The following CACNA1C variants were observed in gnomAD, a reference collection of about 807,000 sequenced individuals.
CACNA1C encodes voltage-dependent L-type calcium channel subunit alpha-1C.
A neutral mutation model predicts 229.0 loss-of-function variants in CACNA1C; 30 were observed. The observed-to-expected ratio is 0.13, with a 90% confidence interval of 0.10 to 0.18. The LOEUF (loss-of-function observed/expected upper bound fraction) is 0.18. Among genes scored for constraint, CACNA1C ranks in the 10% least tolerant of loss-of-function variants. The probability of loss-of-function intolerance (pLI) is 1.00; values close to 1 mark genes in which losing one functional copy is unlikely to be tolerated. For synonymous variants in CACNA1C, 1,114 were observed against 1,132.5 expected, an observed-to-expected ratio of 0.98 and a Z score of 0.33; for missense variants, 1,658 against 2,845.0, an observed-to-expected ratio of 0.58 and a Z score of 9.49.
chr12:2,673,898 A>G (rs2096669504), intron 38 of CACNA1C, among the ~76,000 whole-genome samples: 1 of 152,202 alleles, frequency 6.6e-6, no homozygotes, highest in Admixed American at 6.5e-5. Context: ...GGGCTTTGGC[A>G]GCATGTGTAC....
chr12:2,486,269 G>A lies in CACNA1C; in HGVS notation c.916+7G>A. On this transcript the variant is annotated splice_region_variant and intron_variant, in intron 6 of 46. Coordinates refer to ENST00000399655, the MANE Select transcript of CACNA1C (RefSeq NM_000719.7). This position sits in a 1 kb window ranked among gnomAD's most constrained non-coding sequence, Gnocchi z 4.9. ...AACCAGGAGGGCATAGCAGGTAAGA[G>A]GGGCAGGCGGCTGCGCTCCCAAGGC... 1 of 1,611,260 alleles carries A rather than the reference G, an allele frequency of 6.2e-7. No homozygotes were observed. The highest frequency in any genetic ancestry group is 8.5e-7 in the Non-Finnish European group (1 of 1,178,140).
chr12:2,180,696 A>G lies in CACNA1C; in HGVS notation c.477+60266A>G, dbSNP rs527910195. On this transcript the variant is annotated intron_variant, in intron 3 of 46. Transcript: ENST00000399655. ...AGGGGCTGGTTTTGGAGCCAGGCAG[A>G]TTGGGTTCTAATCACAGCGTGTCCC... 3.3e-5 allele frequency among the ~76,000 whole-genome samples: 5 copies of G among 152,292 alleles called. No homozygotes were observed. In the South Asian group the frequency reaches 1.0e-3, roughly 32 times the overall value.
Position 2,691,305 on chromosome 12 carries a change from C to A in CACNA1C, c.*106C>A. On this transcript the variant is annotated 3_prime_UTR_variant, in exon 47 of 47. Coordinates refer to ENST00000399655, the MANE Select transcript of CACNA1C (RefSeq NM_000719.7). ...CGTGACCTGGAGTTAACCGGAACAG[C>A]GTCTTCATTCATTTCTGTTGGGACC... 8.6e-7 allele frequency: 1 copy of A among 1,168,512 alleles called. No homozygotes were observed. Among genetic ancestry groups the A allele is most frequent in the Non-Finnish European group, 1.1e-6 (1 of 873,062 alleles). The allele number at this position is 1,168,512 out of a possible 1,614,324, so 72.4% of individuals were successfully genotyped here.
chr12:2,391,388 G>A (rs1449207242), intron 3 of CACNA1C, among the ~76,000 whole-genome samples: 1 of 152,188 alleles, frequency 6.6e-6, no homozygotes, highest in Non-Finnish European at 1.5e-5. Context: ...GGAGCGAGAG[G>A]ACTTGGGAAC....
At chr12:2,529,271 A>AC (rs1383040454) in intron 9 of CACNA1C, among the ~76,000 whole-genome samples, 1 of 152,022 alleles carries the variant, frequency 6.6e-6, no homozygotes, top group Admixed American at 6.6e-5. Context: ...GCAGGGTCTT[A>AC]CCCGCTCCTT....
intron 29 of CACNA1C, among the ~76,000 whole-genome samples, chr12:2,619,152 C>G (rs1483649777): frequency 6.6e-6 from 1 of 152,212 alleles, no homozygotes; most frequent in Non-Finnish European, 1.5e-5. Context: ...CTTGAACCAG[C>G]CAGGGCTGAG....
chr12:2,426,051 T>G (rs1440094638), intron 3 of CACNA1C, among the ~76,000 whole-genome samples: 1 of 152,158 alleles, frequency 6.6e-6, no homozygotes, highest in Non-Finnish European at 1.5e-5. Context: ...CCAGTCCTCA[T>G]GGAAGAGAAT....
chr12:2,176,482 A>C (rs554706462), intron 3 of CACNA1C, among the ~76,000 whole-genome samples: 32 of 151,806 alleles, frequency 2.1e-4, no homozygotes, highest in African/African-American at 7.5e-4. Flanking sequence ...GAAGTCAAGT[A>C]AGGGTAGAAC....
Position 2,438,213 on chromosome 12 carries a change from TGGTGGTGGTGGTTGTG to T in CACNA1C, c.478-10762_478-10747del, listed in dbSNP as rs1567680962. 3.5e-3 allele frequency among the ~76,000 whole-genome samples: 507 copies of T among 145,846 alleles called. 4 individuals carry two copies. Among genetic ancestry groups the T allele is most frequent in the African/African-American group, 0.013 (488 of 38,690 alleles). On this transcript the variant is annotated intron_variant, in intron 3 of 46. Coordinates refer to ENST00000399655, the MANE Select transcript of CACNA1C (RefSeq NM_000719.7). ...ATAATGACGGCGATGGTGATGGTGG[TGGTGGTGGTGGTTGTG>T]ATGGTGGGGATGGTGATGATAATGA...
intron 1 of CACNA1C, among the ~76,000 whole-genome samples, chr12:2,076,956 G>A (rs1043415856): frequency 1.8e-4 from 27 of 152,244 alleles, no homozygotes; most frequent in African/African-American, 6.0e-4. Flanking sequence ...GAGGGCTGAA[G>A]CACTGGCTGG....
chr12:2,047,160 C>T (rs2051228024), intron 1 of CACNA1C, among the ~76,000 whole-genome samples: 1 of 152,188 alleles, frequency 6.6e-6, no homozygotes, highest in Admixed American at 6.5e-5. Context: ...GCTGACAAAG[C>T]AATCTTCCGC....
At chr12:2,229,100 G>A (rs1359718885) in intron 3 of CACNA1C, among the ~76,000 whole-genome samples, 2 of 152,150 alleles carry the variant, frequency 1.3e-5, no homozygotes, top group African/African-American at 4.8e-5. Context: ...GTTGATTGGT[G>A]GAAAGAGCAC....
At chr12:2,018,268 A>T (rs189782925) in intron 1 of CACNA1C, 4 of 152,366 alleles carry the variant, frequency 2.6e-5, no homozygotes, top group Admixed American at 2.6e-4. Context: ...ATGTATGATA[A>T]GCAACCTTGA....
intron 3 of CACNA1C, among the ~76,000 whole-genome samples, chr12:2,137,017 C>A (rs887547023): frequency 6.6e-6 from 1 of 151,466 alleles, no homozygotes; most frequent in South Asian, 2.1e-4. Flanking sequence ...CCAGTCAGTA[C>A]TGGTGGTTGG....
chr12:2,634,960 T>G (rs948331466), intron 30 of CACNA1C, among the ~76,000 whole-genome samples: 6 of 152,172 alleles, frequency 3.9e-5, no homozygotes, highest in Admixed American at 1.3e-4. Context: ...TCATTTAACA[T>G]CAGCAGCCCA....
rs1229385514 is a variant in CACNA1C at position 2,034,277 on chromosome 12, C to T, written c.139+63076C>T. 6.6e-6 allele frequency among the ~76,000 whole-genome samples: 1 copy of T among 152,164 alleles called. No individual in the cohort carries two copies. The highest frequency in any genetic ancestry group is 1.9e-4 in the East Asian group (1 of 5,192). On this transcript the variant is annotated intron_variant, in intron 1 of 46. Coordinates refer to the CACNA1C transcript ENST00000682462. The surrounding 1 kb of genome is among the most constrained non-coding windows in gnomAD (Gnocchi z 4.1). Reference sequence around the variant, plus strand: ...ATCCAAGTCCTTTTAGATCCAAGGCCGTGTTCCTTTTTGTAAGCCTCCCTG... The same window carrying T: ...ATCCAAGTCCTTTTAGATCCAAGGCTGTGTTCCTTTTTGTAAGCCTCCCTG...
intron 13 of CACNA1C, among the ~76,000 whole-genome samples, chr12:2,578,383 C>G (rs577793033): frequency 2.0e-5 from 3 of 152,236 alleles, no homozygotes; most frequent in African/African-American, 7.2e-5. Flanking sequence ...CCCTGAGGCT[C>G]TGGGCCCAGA....
At chr12:2,406,190 C>A (rs981993145) in intron 3 of CACNA1C, among the ~76,000 whole-genome samples, 1 of 152,132 alleles carries the variant, frequency 6.6e-6, no homozygotes, top group Non-Finnish European at 1.5e-5. Flanking sequence ...AAGATATTTT[C>A]TTTGACTTTG....
rs570547274 is a variant in CACNA1C at position 2,691,283 on chromosome 12, G to T, written c.*84G>T. 11 of 1,306,716 alleles carry T rather than the reference G, an allele frequency of 8.4e-6. No homozygotes were observed. In the East Asian group the frequency reaches 2.6e-4, roughly 31 times the overall value. The allele number at this position is 1,306,716 out of a possible 1,614,324, so 80.9% of individuals were successfully genotyped here. ...TTCAGAAGTGCCTCACTGTTCTCGT[G>T]ACCTGGAGTTAACCGGAACAGCGTC... On this transcript the variant is annotated 3_prime_UTR_variant, in exon 47 of 47. Transcript: ENST00000399655.
Sources: allele counts gnomAD v4.1 joint callset (sites outside exome capture counted in the v4.1 genomes callset), GRCh38; gene constraint gnomAD v4.1.1; non-coding constraint Gnocchi (gnomAD v3.1); transcripts MANE v1.5; gene names NCBI Gene and HGNC (gene_info 2026-07-23, HGNC 2026-07-21).